Variants in CTNND2 observed in about 807,000 individuals in gnomAD.
CTNND2 encodes catenin delta 2.
CTNND2 carries 22 observed loss-of-function variants against 144.4 expected under a neutral mutation model. That is an observed-to-expected ratio of 0.15 (90% CI 0.11 to 0.22). The LOEUF (loss-of-function observed/expected upper bound fraction) is 0.22, where lower values mean the gene tolerates loss of function less well. Ranked by LOEUF, CTNND2 falls within the 10% of genes least tolerant of loss-of-function variation. CTNND2 has a pLI of 1.00. For missense variants in CTNND2, 1,353 were observed against 1,618.8 expected, an observed-to-expected ratio of 0.84 and a Z score of 2.82; for synonymous variants, 751 against 695.6, an observed-to-expected ratio of 1.08 and a Z score of -1.25.
intron 17 of CTNND2, among the ~76,000 whole-genome samples, chr5:11,020,262 G>C (rs1742101041): frequency 6.6e-6 from 1 of 152,126 alleles, no homozygotes; most frequent in African/African-American, 2.4e-5. Context: ...TAAAGAACAT[G>C]TATAAATACA....
chr5:11,480,602 T>TC lies in CTNND2; in HGVS notation c.288-68534dup, dbSNP rs144047774. 5.5e-3 allele frequency among the ~76,000 whole-genome samples: 832 copies of TC among 151,302 alleles called. 13 individuals carry two copies. The highest frequency in any genetic ancestry group is 0.019 in the African/African-American group (787 of 41,130). On this transcript the variant is annotated intron_variant, in intron 3 of 21. Coordinates refer to ENST00000304623, the MANE Select transcript of CTNND2 (RefSeq NM_001332.4). ...CTTTGACATGTTTCTGTTACCTAACTCCCCCCACCAAACATGCTTGTTCTA... is the reference window on the plus strand; with the variant it reads ...CTTTGACATGTTTCTGTTACCTAACTCCCCCCCACCAAACATGCTTGTTCTA...
At chr5:10,983,369 C>G (rs1737538872) in intron 20 of CTNND2, among the ~76,000 whole-genome samples, 1 of 152,060 alleles carries the variant, frequency 6.6e-6, no homozygotes, top group South Asian at 2.1e-4. Flanking sequence ...CTAGGAAGGG[C>G]TCATTGTTTG....
chr5:11,046,029 G>A (rs928757564), intron 16 of CTNND2, among the ~76,000 whole-genome samples: 3 of 152,066 alleles, frequency 2.0e-5, no homozygotes, highest in African/African-American at 7.2e-5. Context: ...CAGCTGTTGG[G>A]GCTACTTGGT....
chr5:11,664,507 G>C (rs1254077361), intron 2 of CTNND2, among the ~76,000 whole-genome samples: 1 of 152,192 alleles, frequency 6.6e-6, no homozygotes, highest in Non-Finnish European at 1.5e-5. Flanking sequence ...CTTGAACCAG[G>C]GAGTGGGAGG....
rs145561804 is a variant in CTNND2, at chr5:11,657,550, T to G, written c.174+74586A>C. Among the ~76,000 whole-genome samples the G allele has an allele frequency of 3.0e-4, 45 of 152,240 alleles. No homozygotes were observed. The South Asian group carries it at 6.2e-3, about 21-fold the overall frequency. On this transcript the variant is annotated intron_variant, in intron 2 of 21. Coordinates refer to ENST00000304623, the MANE Select transcript of CTNND2 (RefSeq NM_001332.4). ...ATAACCGTATGTATTAAATTCAAAG[T>G]GTCTCAGGTTTTATGAGTTGGCAAA...
chr5:11,388,217 A>G (rs183249039), intron 6 of CTNND2, among the ~76,000 whole-genome samples: 1 of 152,220 alleles, frequency 6.6e-6, no homozygotes, highest in Non-Finnish European at 1.5e-5. Flanking sequence ...TGCACTTCCA[A>G]AAAAGCCTCC....
At chr5:11,187,393 C>G (rs1735742023) in intron 11 of CTNND2, among the ~76,000 whole-genome samples, 1 of 152,086 alleles carries the variant, frequency 6.6e-6, no homozygotes, top group African/African-American at 2.4e-5. Context: ...GGAGAACTGG[C>G]TAGACATATG....
intron 2 of CTNND2, among the ~76,000 whole-genome samples, chr5:11,658,027 C>G (rs1783005314): frequency 6.6e-6 from 1 of 152,012 alleles, no homozygotes; most frequent in Non-Finnish European, 1.5e-5. Flanking sequence ...CAGAAGAACA[C>G]TTTATTTTTA....
intron 9 of CTNND2, among the ~76,000 whole-genome samples, chr5:11,259,798 G>A (rs1461082939): frequency 1.3e-5 from 2 of 152,154 alleles, no homozygotes; most frequent in African/African-American, 4.8e-5. Context: ...GAAAAGAACC[G>A]CTTTGTTGAG....
rs1252617652 is a variant in CTNND2, at chr5:11,017,968, C to A, written c.3084+6G>T. The stretch of plus-strand genomic sequence containing the variant: ...GGACTCAGGGCCCAGGTGAAGCCAG[C>A]CTTACCTTTTTGTAGAGACTCCTCA... On this transcript the variant is annotated splice_donor_region_variant and intron_variant, in intron 18 of 21. Coordinates refer to ENST00000304623, the MANE Select transcript of CTNND2 (RefSeq NM_001332.4). 1 of 1,612,318 alleles carries A rather than the reference C, an allele frequency of 6.2e-7. No individual in the cohort carries two copies. Among genetic ancestry groups the A allele is most frequent in the South Asian group, 1.1e-5 (1 of 91,026 alleles).
chr5:11,662,765 G>A (rs1363122712), intron 2 of CTNND2, among the ~76,000 whole-genome samples: 2 of 152,146 alleles, frequency 1.3e-5, no homozygotes, highest in African/African-American at 4.8e-5. Context: ...CCCTCTATGA[G>A]ATGGGACAGT....
intron 2 of CTNND2, among the ~76,000 whole-genome samples, chr5:11,668,771 G>A (rs993912198): frequency 1.3e-5 from 2 of 151,924 alleles, no homozygotes; most frequent in Admixed American, 1.3e-4. Flanking sequence ...TGTGTTGCCT[G>A]ACTGCCCTGG....
chr5:11,134,519 T>C (rs988469120), intron 12 of CTNND2, among the ~76,000 whole-genome samples: 1 of 152,220 alleles, frequency 6.6e-6, no homozygotes, highest in Non-Finnish European at 1.5e-5. Flanking sequence ...AAAACTACTA[T>C]ATTCACATAA....
At chr5:11,426,852 A>C (rs1581169788) in intron 3 of CTNND2, among the ~76,000 whole-genome samples, 1 of 152,342 alleles carries the variant, frequency 6.6e-6, no homozygotes, top group Non-Finnish European at 1.5e-5. Flanking sequence ...AAGTCAGGGC[A>C]ATTCATGGTT....
intron 9 of CTNND2, among the ~76,000 whole-genome samples, chr5:11,338,523 A>G (rs1753943010): frequency 6.6e-6 from 1 of 152,194 alleles, no homozygotes; most frequent in South Asian, 2.1e-4. Flanking sequence ...GATTTCCACC[A>G]TCGCAAAGGA....
At chr5:11,365,037 C>A in intron 7 of CTNND2, 147 bp from the exon 8 acceptor site, 1 of 657,660 alleles carries the variant, frequency 1.5e-6, no homozygotes. Flanking sequence ...AGCAATATGT[C>A]AACCTAATCA....
chr5:11,629,915 C>T (rs189782953), intron 2 of CTNND2, among the ~76,000 whole-genome samples: 11 of 152,124 alleles, frequency 7.2e-5, no homozygotes, highest in Admixed American at 5.2e-4. Context: ...GAAAAAAATG[C>T]TAATTAAAAT....
chr5:10,987,983 TG>T, intron 20 of CTNND2, 127 bp downstream of exon 20: 1 of 1,187,378 alleles, frequency 8.4e-7, no homozygotes, highest in Non-Finnish European at 1.2e-6. Flanking sequence ...CTCAAGTGAC[TG>T]GACAGCTGCT....
intron 6 of CTNND2, among the ~76,000 whole-genome samples, chr5:11,387,092 T>TTGCC (rs1759170974): frequency 2.0e-5 from 3 of 151,938 alleles, no homozygotes; most frequent in African/African-American, 7.2e-5. Flanking sequence ...TTACCATTGC[T>TTGCC]ATTTAATTCA....
Sources: allele counts gnomAD v4.1 joint callset (sites outside exome capture counted in the v4.1 genomes callset), GRCh38; gene constraint gnomAD v4.1.1; transcripts MANE v1.5; gene names NCBI Gene and HGNC (gene_info 2026-07-23, HGNC 2026-07-21).